The following FAM237A variants were observed in gnomAD, a reference collection of about 807,000 sequenced individuals.
The protein encoded by FAM237A is family with sequence similarity 237 member A.
A neutral mutation model predicts 12.5 loss-of-function variants in FAM237A; 14 were observed. The observed-to-expected ratio is 1.12, with a 90% CI of 0.74 to 1.75. The LOEUF (loss-of-function observed/expected upper bound fraction) is 1.75. FAM237A is among the 40% of genes most tolerant of loss of function. The pLI is 0.00. For missense variants in FAM237A, 240 were observed against 211.7 expected (o/e 1.13, Z -0.83); for synonymous variants, 85 against 77.5 (o/e 1.10, Z -0.51).
rs1381336677 is a variant in FAM237A, at chr2:206,644,227, T to G, written c.-10T>G. On this transcript the variant is annotated splice_region_variant and 5_prime_UTR_variant, in exon 2 of 3. Coordinates refer to ENST00000441223, the MANE Select transcript of FAM237A (RefSeq NM_001102659.3). ...TAAGAAATATTTCCATCCTGTGCAG[T>G]TTTAGGGCCATGGCTGATCCTGGGA... 1 of 1,582,684 alleles carries G rather than the reference T, an allele frequency of 6.3e-7. No individual in the cohort carries two copies. The highest frequency in any genetic ancestry group is 1.8e-5 in the Admixed American group (1 of 56,482).
chr2:206,643,499 T>C (rs1207758568), intron 1 of FAM237A: 1 of 152,182 alleles, frequency 6.6e-6, no homozygotes, highest in South Asian at 2.1e-4. Context: ...CCAGAAAAGT[T>C]GAATGAGAGT....
At chr2:206,648,311 C>G (rs1429907740) in intron 2 of FAM237A, among the ~76,000 whole-genome samples, 1 of 152,088 alleles carries the variant, frequency 6.6e-6, no homozygotes, top group Non-Finnish European at 1.5e-5. Context: ...ATGGTTATCT[C>G]TAGGAGGTTA....
chr2:206,649,000 A>G lies in FAM237A; in HGVS notation c.*206A>G, dbSNP rs1574581752. ...TGCTAGCATGTTTCTTCTAATGGTG[A>G]CATTACTGCCAGTCTATCCCACAGT... is the stretch of plus-strand genomic sequence containing the variant. On this transcript the variant is annotated 3_prime_UTR_variant, in exon 3 of 3. Coordinates refer to ENST00000441223, the MANE Select transcript of FAM237A (RefSeq NM_001102659.3). 1 of 287,214 alleles carries G rather than the reference A, an allele frequency of 3.5e-6. No individual in the cohort carries two copies. Among genetic ancestry groups the G allele is most frequent in the Non-Finnish European group, 6.3e-6 (1 of 158,324 alleles). The allele number at this position is 287,214 out of a possible 1,614,324, so 17.8% of individuals were successfully genotyped here. A position where few individuals can be genotyped will look rare whatever the true frequency, so the allele number is the denominator to read the frequency against.
At chr2:206,648,204 T>C (rs1699341230) in intron 2 of FAM237A, among the ~76,000 whole-genome samples, 1 of 152,140 alleles carries the variant, frequency 6.6e-6, no homozygotes, top group South Asian at 2.1e-4. Flanking sequence ...CATTGCAATA[T>C]TATGTATAGT....
chr2:206,644,164 T>A (rs1258627023), intron 1 of FAM237A, 63 bp from the exon 2 acceptor site: 6 of 1,404,100 alleles, frequency 4.3e-6, no homozygotes, highest in Non-Finnish European at 4.7e-6. Flanking sequence ...AAGGGCATAC[T>A]TATTTTCTTT....
In FAM237A at chr2:206,644,281, C is replaced by T. The variant is rs781566817; in HGVS notation, c.45C>T (p.Ser15=). 2 of 1,612,072 alleles carry T rather than the reference C, an allele frequency of 1.2e-6. No individual in the cohort carries two copies. Among genetic ancestry groups the T allele is most frequent in the South Asian group, 1.1e-5 (1 of 90,674 alleles). ...GNRGGIHRPL[S]FTCSLLIVGM... is the part of the protein sequence containing the mutation. The stretch of plus-strand genomic sequence containing the variant: ...GAGGAGGGATCCACCGCCCCTTGAG[C>T]TTCACCTGCTCCCTGCTCATTGTGG... Residue 15 remains serine (S), a synonymous_variant, in exon 2 of 3, where the codon AGC becomes AGT. Coordinates refer to ENST00000441223, the MANE Select transcript of FAM237A (RefSeq NM_001102659.3).
chr2:206,649,299 A>T lies in FAM237A; in HGVS notation c.*505A>T, dbSNP rs2105883505. On this transcript the variant is annotated 3_prime_UTR_variant, in exon 3 of 3. Coordinates refer to ENST00000441223, the MANE Select transcript of FAM237A (RefSeq NM_001102659.3). ...ACTGAATGAAGCAAAAAGTAAAACA[A>T]AACAAAAAACTGGCAAATAAAGCAT... is the stretch of plus-strand genomic sequence containing the variant. 6.6e-6 allele frequency among the ~76,000 whole-genome samples: 1 copy of T among 152,324 alleles called. No homozygotes were observed. Among genetic ancestry groups the T allele is most frequent in the East Asian group, 1.9e-4 (1 of 5,188 alleles).
chr2:206,648,847 A>T lies in FAM237A; in HGVS notation c.*53A>T. On this transcript the variant is annotated 3_prime_UTR_variant, in exon 3 of 3. Transcript: ENST00000441223. The stretch of plus-strand genomic sequence containing the variant: ...GGAATTAAATATACATATATATAAC[A>T]TTTTTCTTAACTATTGATTATTTAT... The T allele has an allele frequency of 7.7e-7, 1 of 1,299,138 alleles. No individual in the cohort carries two copies. 80.5% of individuals were successfully genotyped at this position (1,299,138 alleles called of 1,614,324 possible).
chr2:206,648,580 CT>C, intron 2 of FAM237A, 80 bp from the exon 3 acceptor site: 1 of 1,390,634 alleles, frequency 7.2e-7, no homozygotes, highest in South Asian at 1.4e-5. Context: ...TCAAACCTGC[CT>C]TTTAAAGATA....
chr2:206,645,308 A>G (rs539975253), intron 2 of FAM237A, among the ~76,000 whole-genome samples: 2 of 152,330 alleles, frequency 1.3e-5, no homozygotes, highest in South Asian at 2.1e-4. Flanking sequence ...ATTGAAGTAA[A>G]TACTATATTC....
chr2:206,643,042 T>C (rs544802730), intron 1 of FAM237A, among the ~76,000 whole-genome samples: 1 of 152,370 alleles, frequency 6.6e-6, no homozygotes, highest in South Asian at 2.1e-4. Flanking sequence ...GCTTCTTCAA[T>C]ATAGGAACAT....
At position 206,644,656 on chromosome 2, in the gene FAM237A, A is replaced by G. The variant is rs776268272; in HGVS notation, c.412+8A>G. ...ACACAAGGAGTAAACAAGGTGGTCA[A>G]CCCCAGCTCCCATGTCTTTTGAAAG... On this transcript the variant is annotated splice_region_variant and intron_variant, in intron 2 of 2. Transcript: ENST00000441223. 2.6e-6 allele frequency: 4 copies of G among 1,541,186 alleles called. No individual in the cohort carries two copies. Among genetic ancestry groups the G allele is most frequent in the Non-Finnish European group, 3.5e-6 (4 of 1,148,744 alleles).
intron 1 of FAM237A, among the ~76,000 whole-genome samples, chr2:206,643,881 T>C (rs574860585): frequency 7.3e-4 from 111 of 152,348 alleles, no homozygotes; most frequent in African/African-American, 2.6e-3. Flanking sequence ...GTTAAAGCCA[T>C]GCAGCAAAAT....
At position 206,648,983 on chromosome 2, in the gene FAM237A, T is replaced by C; in HGVS notation, c.*189T>C. The C allele has an allele frequency of 3.1e-6, 1 of 327,288 alleles. No individual in the cohort carries two copies. The highest frequency in any genetic ancestry group is 5.3e-6 in the Non-Finnish European group (1 of 188,330). 20.3% of individuals were successfully genotyped at this position (327,288 alleles called of 1,614,324 possible). A position where few individuals can be genotyped will look rare whatever the true frequency, so the allele number is the denominator to read the frequency against. On this transcript the variant is annotated 3_prime_UTR_variant, in exon 3 of 3. Transcript: ENST00000441223. Reference sequence around the variant, plus strand: ...ATTTATTTATTTTAGGCTGCTAGCATGTTTCTTCTAATGGTGACATTACTG... The same window carrying C: ...ATTTATTTATTTTAGGCTGCTAGCACGTTTCTTCTAATGGTGACATTACTG...
At chr2:206,643,652 AAT>A (rs1455218749) in intron 1 of FAM237A, among the ~76,000 whole-genome samples, 3 of 152,226 alleles carry the variant, frequency 2.0e-5, no homozygotes, top group African/African-American at 7.2e-5. Flanking sequence ...TAATTGGTTG[AAT>A]ATATGTCTCT....
chr2:206,647,672 G>C (rs1224642184), intron 2 of FAM237A, among the ~76,000 whole-genome samples: 1 of 103,904 alleles, frequency 9.6e-6, no homozygotes, highest in African/African-American at 3.5e-5. Flanking sequence ...CACACAGAGA[G>C]AGTGTGTGTT....
chr2:206,648,560 G>T, intron 2 of FAM237A, 101 bp from the exon 3 acceptor site: 1 of 1,168,682 alleles, frequency 8.6e-7, no homozygotes. Flanking sequence ...ATATTGGAGT[G>T]GCAGAAACAT....
In FAM237A at chr2:206,642,974, C is replaced by T. The variant is rs1166520344; in HGVS notation, c.-11+392C>T. ...AATATGATTTCAAGTAGAGATAATG[C>T]ATACATGATATGAAAGATAGAGGAA... On this transcript the variant is annotated intron_variant, in intron 1 of 2. Coordinates refer to ENST00000441223, the MANE Select transcript of FAM237A (RefSeq NM_001102659.3). The surrounding 1 kb of genome is among the most constrained non-coding windows in gnomAD (Gnocchi z 5.1). Among the ~76,000 whole-genome samples the T allele has an allele frequency of 3.3e-5, 5 of 152,178 alleles. No homozygotes were observed. The South Asian group carries it at 8.3e-4, about 25-fold the overall frequency.
chr2:206,649,054 G>T lies in FAM237A; in HGVS notation c.*260G>T, dbSNP rs557842007. ...AAGGAGTTAAATAACTTCCAGAGAT[G>T]ACTTGAGGATTCTTTGTATTCATTT... On this transcript the variant is annotated 3_prime_UTR_variant, in exon 3 of 3. Transcript: ENST00000441223. 1.8e-4 allele frequency: 33 copies of T among 184,882 alleles called. No homozygotes were observed. The highest frequency in any genetic ancestry group is 1.7e-3 in the Admixed American group (28 of 16,200). The allele number at this position is 184,882 out of a possible 1,614,324, so 11.5% of individuals were successfully genotyped here. A position where few individuals can be genotyped will look rare whatever the true frequency, so the allele number is the denominator to read the frequency against.
Sources: allele counts gnomAD v4.1 joint callset (sites outside exome capture counted in the v4.1 genomes callset), GRCh38; gene constraint gnomAD v4.1.1; non-coding constraint Gnocchi (gnomAD v3.1); transcripts MANE v1.5; gene names NCBI Gene and HGNC (gene_info 2026-07-23, HGNC 2026-07-21).